AGMO: variants seen among roughly 807,000 people sequenced by gnomAD.
AGMO encodes alkylglycerol monooxygenase, also known as glyceryl-ether monooxygenase.
In AGMO, 75 loss-of-function variants were observed where a neutral mutation model predicts 60.2. The observed-to-expected ratio is 1.25, with a 90% CI of 1.03 to 1.51. AGMO has a LOEUF of 1.51. AGMO is among the 40% of genes most tolerant of loss of function. AGMO has a pLI of 0.00. For missense variants in AGMO, 763 were observed against 525.5 expected, an observed-to-expected ratio of 1.45 and a Z score of -4.42; for synonymous variants, 261 against 177.1, an observed-to-expected ratio of 1.47 and a Z score of -3.76.
intron 3 of AGMO, among the ~76,000 whole-genome samples, chr7:15,453,456 C>T (rs1245448464): frequency 1.3e-5 from 2 of 152,114 alleles, no homozygotes; most frequent in Non-Finnish European, 2.9e-5. Flanking sequence ...TAACAGAACA[C>T]CGTACAAGTC....
chr7:15,419,167 C>A (rs1239907990), intron 4 of AGMO, among the ~76,000 whole-genome samples: 2 of 151,690 alleles, frequency 1.3e-5, no homozygotes, highest in African/African-American at 4.8e-5. Context: ...TTGATGACAT[C>A]ATATCTCTTA....
At chr7:15,391,986 C>G (rs144353242) in intron 6 of AGMO, among the ~76,000 whole-genome samples, 1 of 152,040 alleles carries the variant, frequency 6.6e-6, no homozygotes, top group Non-Finnish European at 1.5e-5. Context: ...CGTGGGCATG[C>G]GAAGATGAAG....
chr7:15,543,103 T>A (rs1276146403), intron 3 of AGMO, among the ~76,000 whole-genome samples: 1 of 152,158 alleles, frequency 6.6e-6, no homozygotes, highest in Non-Finnish European at 1.5e-5. Context: ...CTTCTGTCCA[T>A]CTGCCATCTA....
chr7:15,278,378 C>T (rs562975970), intron 12 of AGMO, among the ~76,000 whole-genome samples: 83 of 152,158 alleles, frequency 5.5e-4, no homozygotes, highest in African/African-American at 1.9e-3. Context: ...TAGGCAATTC[C>T]ACAGCTCCCA....
the AGMO span, among the ~76,000 whole-genome samples, chr7:15,172,191 A>G: frequency 6.6e-6 from 1 of 152,190 alleles, no homozygotes; most frequent in Non-Finnish European, 1.5e-5. Flanking sequence ...CAGATATAAA[A>G]ATAAAATAAG....
intron 3 of AGMO, among the ~76,000 whole-genome samples, chr7:15,510,570 G>T (rs1583629027): frequency 6.7e-6 from 1 of 149,518 alleles, no homozygotes. Flanking sequence ...TCATATATGT[G>T]ATATATATGA....
At chr7:15,366,776 T>C (rs1349729452) in intron 10 of AGMO, among the ~76,000 whole-genome samples, 2 of 152,058 alleles carry the variant, frequency 1.3e-5, no homozygotes, top group Non-Finnish European at 2.9e-5. Context: ...ACATTAAGCA[T>C]TAGTGTGCTC....
intron 12 of AGMO, among the ~76,000 whole-genome samples, chr7:15,251,696 T>C (rs1782942846): frequency 6.6e-6 from 1 of 152,156 alleles, no homozygotes; most frequent in Non-Finnish European, 1.5e-5. Context: ...AGAAGGCTAG[T>C]GTTAGACATT....
intron 2 of AGMO, among the ~76,000 whole-genome samples, chr7:15,545,790 A>T (rs1296642896): frequency 6.6e-6 from 1 of 151,972 alleles, no homozygotes; most frequent in Non-Finnish European, 1.5e-5. Context: ...TATATGATCA[A>T]ATTTAAGATT....
intron 3 of AGMO, among the ~76,000 whole-genome samples, chr7:15,534,192 T>C (rs898375254): frequency 1.2e-4 from 18 of 151,786 alleles, no homozygotes; most frequent in African/African-American, 4.1e-4. Flanking sequence ...GACATTTCAA[T>C]CTCTTAGCTG....
In AGMO at chr7:15,202,093, C is replaced by A. The variant is rs113838134; in HGVS notation, c.1264-734G>T. On this transcript the variant is annotated intron_variant, in intron 12 of 12. Transcript: ENST00000342526. ...ATCACCATTTTAGGTGGTTGGGTAA[C>A]TGGAATGATGATGAAAGCAAACAAT... is the stretch of plus-strand genomic sequence containing the variant. Among the ~76,000 whole-genome samples the A allele has an allele frequency of 3.9e-3, 586 of 152,100 alleles. 1 individual carries two copies. The highest frequency in any genetic ancestry group is 0.013 in the African/African-American group (545 of 41,484).
At chr7:15,288,719 T>G (rs1310551807) in intron 12 of AGMO, among the ~76,000 whole-genome samples, 1 of 150,432 alleles carries the variant, frequency 6.6e-6, no homozygotes, top group Non-Finnish European at 1.5e-5. Context: ...TCAAATTAAG[T>G]GACTGAATGT....
chr7:15,398,480 C>G (rs1236538493), intron 5 of AGMO, among the ~76,000 whole-genome samples: 1 of 152,152 alleles, frequency 6.6e-6, no homozygotes, highest in Admixed American at 6.5e-5. Flanking sequence ...GATGATTCAT[C>G]ATTCTGACAG....
At chr7:15,320,027 G>A (rs965873972) in intron 12 of AGMO, among the ~76,000 whole-genome samples, 23 of 151,480 alleles carry the variant, frequency 1.5e-4, no homozygotes, top group Admixed American at 4.6e-4. Context: ...ACCAAACACC[G>A]CATGTTGTTC....
intron 12 of AGMO, among the ~76,000 whole-genome samples, chr7:15,279,154 G>A (rs1199954616): frequency 6.6e-6 from 1 of 152,148 alleles, no homozygotes; most frequent in Non-Finnish European, 1.5e-5. Context: ...AGGTTTGGGG[G>A]AGGAGGCTCT....
chr7:15,352,884 T>C (rs550319459), intron 12 of AGMO, among the ~76,000 whole-genome samples: 3 of 152,212 alleles, frequency 2.0e-5, no homozygotes, highest in Admixed American at 6.5e-5. Context: ...TAATTCCTTG[T>C]GTGCTGACAT....
chr7:15,214,425 C>A (rs777455037), intron 12 of AGMO, among the ~76,000 whole-genome samples: 7 of 151,948 alleles, frequency 4.6e-5, no homozygotes, highest in Non-Finnish European at 7.4e-5. Flanking sequence ...TAAAATTACC[C>A]TAGAAAATCC....
intron 12 of AGMO, among the ~76,000 whole-genome samples, chr7:15,324,382 C>G (rs1781274185): frequency 6.6e-6 from 1 of 152,172 alleles, no homozygotes; most frequent in Non-Finnish European, 1.5e-5. Flanking sequence ...GATGTTCTAT[C>G]TTTTAAAGCG....
chr7:15,164,516 ACT>A, the AGMO span, among the ~76,000 whole-genome samples: 1 of 152,128 alleles, frequency 6.6e-6, no homozygotes, highest in Non-Finnish European at 1.5e-5. Flanking sequence ...TCTATAAATA[ACT>A]CAAAAAACTC....
Sources: allele counts gnomAD v4.1 joint callset (sites outside exome capture counted in the v4.1 genomes callset), GRCh38; gene constraint gnomAD v4.1.1; transcripts MANE v1.5; gene names NCBI Gene and HGNC (gene_info 2026-07-23, HGNC 2026-07-21).